The following MYSM1 variants were observed in gnomAD, a reference collection of about 807,000 sequenced individuals.
MYSM1 encodes the protein Myb like, SWIRM and MPN domains 1.
Under a neutral mutation model 116.0 loss-of-function variants are expected in MYSM1, and 51 were observed. That is an observed-to-expected ratio of 0.44 (90% CI 0.35 to 0.56). The LOEUF (loss-of-function observed/expected upper bound fraction) is 0.56. Ranked by LOEUF, MYSM1 falls within the 20% of genes least tolerant of loss-of-function variation. The pLI is 0.00. For missense variants in MYSM1, 900 were observed against 974.9 expected (o/e 0.92, Z 1.02); for synonymous variants, 313 against 315.2 (o/e 0.99, Z 0.07).
chr1:58,665,655 T>C (rs757607655), intron 16 of MYSM1, 24 bp from the exon 17 acceptor site: 1 of 1,433,818 alleles, frequency 7.0e-7, no homozygotes, highest in Non-Finnish European at 9.7e-7. Flanking sequence ...AAAAATATAA[T>C]TAGTTTCAAC....
Position 58,659,841 on chromosome 1 carries a change from T to C in MYSM1, c.*156A>G, listed in dbSNP as rs1644366145. 1.8e-6 allele frequency: 1 copy of C among 561,364 alleles called. No homozygotes were observed. The highest frequency in any genetic ancestry group is 3.2e-5 in the East Asian group (1 of 31,656). 34.8% of individuals were successfully genotyped at this position (561,364 alleles called of 1,614,324 possible). A position where few individuals can be genotyped will look rare whatever the true frequency, so the allele number is the denominator to read the frequency against. ...CTATATGAAAACAAATTTGTATCTC[T>C]TCCTTTTCACATGATTTATGTGGCA... On this transcript the variant is annotated 3_prime_UTR_variant, in exon 20 of 20. Coordinates refer to ENST00000472487, the MANE Select transcript of MYSM1 (RefSeq NM_001085487.3).
Position 58,685,656 on chromosome 1 carries a change from C to CT in MYSM1, c.400-406dup, listed in dbSNP as rs548829814. Among the ~76,000 whole-genome samples the CT allele has an allele frequency of 2.0e-3, 299 of 152,250 alleles. 1 individual carries two copies. The highest frequency in any genetic ancestry group is 6.7e-3 in the African/African-American group (279 of 41,542). On this transcript the variant is annotated intron_variant, in intron 6 of 19. Coordinates refer to ENST00000472487, the MANE Select transcript of MYSM1 (RefSeq NM_001085487.3). ...AACATGTTCTGTGCTAATTTCAACA[C>CT]TTTTTTTAACTCAGATTCCCTATTT...
At chr1:58,689,228 G>A in intron 5 of MYSM1, 112 bp from the exon 6 acceptor site, 1 of 764,474 alleles carries the variant, frequency 1.3e-6, no homozygotes, top group Non-Finnish European at 2.1e-6. Context: ...TTGAGTCTAG[G>A]AATTAAAAAT....
Position 58,658,958 on chromosome 1 carries a change from A to ACACACACACACACAC in MYSM1, c.*1038_*1039insGTGTGTGTGTGTGTG, listed in dbSNP as rs371853067. 7.3e-6 allele frequency: 1 copy of ACACACACACACACAC among 137,878 alleles called. No individual in the cohort carries two copies. The highest frequency in any genetic ancestry group is 1.5e-5 in the Non-Finnish European group (1 of 64,616). 8.5% of individuals were successfully genotyped at this position (137,878 alleles called of 1,614,324 possible). The stretch of plus-strand genomic sequence containing the variant: ...TTTTTATCATTTTAAAGGGCTGTAA[A>ACACACACACACACAC]ACACACACACACACACACACACACA... On this transcript the variant is annotated 3_prime_UTR_variant, in exon 20 of 20. Transcript: ENST00000472487.
Position 58,682,501 on chromosome 1 carries a change from G to A in MYSM1, c.543C>T (p.Gly181=). ...LDKETPNQKT[G]HNLQVKNEDK... The stretch of plus-strand genomic sequence containing the variant: ...CTTCATTTTTAACTTGAAGATTATG[G>A]CCGGTCTTCTGATTTGGTGTTTCTT... The change falls in exon 8 of 20, where the codon GGC becomes GGT. Residue 181 remains glycine, a synonymous_variant. Transcript: ENST00000472487. The A allele has an allele frequency of 6.2e-7, 1 of 1,613,020 alleles. No individual in the cohort carries two copies. The highest frequency in any genetic ancestry group is 8.5e-7 in the Non-Finnish European group (1 of 1,179,596).
rs1159287334 is a variant in MYSM1, at chr1:58,672,062, A to C, written c.1573-104T>G. 6.0e-6 allele frequency: 5 copies of C among 831,316 alleles called. No homozygotes were observed. The East Asian group carries it at 1.1e-4, about 18-fold the overall frequency. 51.5% of individuals were successfully genotyped at this position (831,316 alleles called of 1,614,324 possible). A position where few individuals can be genotyped will look rare whatever the true frequency, so the allele number is the denominator to read the frequency against. ...TGAAGGGCATGTGAGGACAAGAGAG[A>C]CTAAATTGATATAGATGGGCTTCCT... On this transcript the variant is annotated intron_variant, in intron 11 of 19. Transcript: ENST00000472487.
chr1:58,660,197 T>G (rs754867617), intron 19 of MYSM1, 42 bp from the exon 20 acceptor site: 6 of 1,341,692 alleles, frequency 4.5e-6, no homozygotes, highest in Non-Finnish European at 5.0e-6. Flanking sequence ...ACAGAAAAAG[T>G]ATGAGGGTTT....
intron 1 of MYSM1, 123 bp from the exon 2 acceptor site, chr1:58,695,330 CT>C (rs1644959118): frequency 1.7e-6 from 1 of 572,714 alleles, no homozygotes; most frequent in Non-Finnish European, 3.1e-6. Flanking sequence ...CCCTTCTCCC[CT>C]TAACAAACAG....
chr1:58,688,802 C>T (rs1267614310), intron 6 of MYSM1, among the ~76,000 whole-genome samples: 1 of 151,984 alleles, frequency 6.6e-6, no homozygotes, highest in Admixed American at 6.5e-5. Context: ...ACCACAAGAA[C>T]GTGAAAACTA....
chr1:58,686,073 G>A (rs970890989), intron 6 of MYSM1, among the ~76,000 whole-genome samples: 3 of 152,090 alleles, frequency 2.0e-5, no homozygotes, highest in Admixed American at 6.6e-5. Flanking sequence ...CTACAGGTAC[G>A]CACCACTTTG....
intron 14 of MYSM1, among the ~76,000 whole-genome samples, chr1:58,668,197 C>T (rs1222677320): frequency 1.3e-5 from 2 of 152,188 alleles, no homozygotes; most frequent in African/African-American, 2.4e-5. Flanking sequence ...TTTACTCTCC[C>T]TACTCAAGGG....
intron 8 of MYSM1, among the ~76,000 whole-genome samples, chr1:58,680,987 A>AATAT (rs757727037): frequency 1.3e-5 from 2 of 151,462 alleles, no homozygotes. Context: ...ATGCCCAGCT[A>AATAT]ATATATATAT....
intron 16 of MYSM1, 100 bp from the exon 17 acceptor site, chr1:58,665,731 G>C: frequency 1.2e-6 from 1 of 813,934 alleles, no homozygotes; most frequent in Non-Finnish European, 1.9e-6. Flanking sequence ...GGAAAAGCAG[G>C]AACAAAAAGG....
intron 8 of MYSM1, among the ~76,000 whole-genome samples, chr1:58,681,484 C>A (rs1008514473): frequency 6.6e-6 from 1 of 152,136 alleles, no homozygotes; most frequent in Non-Finnish European, 1.5e-5. Context: ...TTCCCTTTTC[C>A]CGTGCAGTGG....
chr1:58,661,339 T>C, intron 18 of MYSM1, 67 bp downstream of exon 18: 1 of 1,366,400 alleles, frequency 7.3e-7, no homozygotes, highest in Non-Finnish European at 1.0e-6. Context: ...TAACTTGGGT[T>C]TTCTCTGAAA....
chr1:58,682,486 A>C lies in MYSM1; in HGVS notation c.558T>G (p.Val186=). The C allele has an allele frequency of 6.2e-7, 1 of 1,613,816 alleles. No homozygotes were observed. The highest frequency in any genetic ancestry group is 8.5e-7 in the Non-Finnish European group (1 of 1,179,878). The change falls in exon 8 of 20, where the codon GTT becomes GTG. Residue 186 remains valine, a synonymous_variant. Transcript: ENST00000472487. ...PNQKTGHNLQ[V]KNEDKGTKAW... Reference sequence around the variant, plus strand: ...CCTTTGTCCCTTTATCTTCATTTTTAACTTGAAGATTATGGCCGGTCTTCT... The same window carrying C: ...CCTTTGTCCCTTTATCTTCATTTTTCACTTGAAGATTATGGCCGGTCTTCT...
chr1:58,663,138 C>T (rs1242497497), intron 17 of MYSM1, among the ~76,000 whole-genome samples: 1 of 152,200 alleles, frequency 6.6e-6, no homozygotes, highest in East Asian at 1.9e-4. Context: ...GAGCTGGGAT[C>T]TGAATCCAGT....
At position 58,658,122 on chromosome 1, in the gene MYSM1, C is replaced by T. The variant is rs1246647505; in HGVS notation, c.*1875G>A. On this transcript the variant is annotated 3_prime_UTR_variant, in exon 20 of 20. Coordinates refer to ENST00000472487, the MANE Select transcript of MYSM1 (RefSeq NM_001085487.3). ...GAATACTAAGCCATAAAATTCAGGC[C>T]CTTGATTTACTGGTGAGGAGCATGG... 1 of 151,956 alleles carries T rather than the reference C, an allele frequency of 6.6e-6. No individual in the cohort carries two copies. The highest frequency in any genetic ancestry group is 2.4e-5 in the African/African-American group (1 of 41,364). 9.4% of individuals were successfully genotyped at this position (151,956 alleles called of 1,614,324 possible). A position where few individuals can be genotyped will look rare whatever the true frequency, so the allele number is the denominator to read the frequency against.
Position 58,669,041 on chromosome 1 carries a change from GA to G in MYSM1, c.1662-4del. On this transcript the variant is annotated splice_polypyrimidine_tract_variant and splice_region_variant and intron_variant, in intron 12 of 19. Coordinates refer to ENST00000472487, the MANE Select transcript of MYSM1 (RefSeq NM_001085487.3). ...TCAGTTGGAAGGGATCAAACGAGCTGAAAAAGAAAAAAAATTTTCAATACAA... is the reference window on the plus strand; with the variant it reads ...TCAGTTGGAAGGGATCAAACGAGCTGAAAAGAAAAAAAATTTTCAATACAA... The G allele has an allele frequency of 6.4e-7, 1 of 1,572,606 alleles. No homozygotes were observed. Among genetic ancestry groups the G allele is most frequent in the Non-Finnish European group, 8.6e-7 (1 of 1,164,242 alleles).
Sources: allele counts gnomAD v4.1 joint callset (sites outside exome capture counted in the v4.1 genomes callset), GRCh38; gene constraint gnomAD v4.1.1; transcripts MANE v1.5; gene names NCBI Gene and HGNC (gene_info 2026-07-23, HGNC 2026-07-21).